Variants in AHDC1 observed in about 807,000 individuals in gnomAD.
AHDC1 encodes the protein AT-hook DNA binding motif containing 1.
In AHDC1, 7 loss-of-function variants were observed where a neutral mutation model predicts 87.9. The observed-to-expected ratio is 0.08, with a 90% CI of 0.05 to 0.15. The LOEUF is 0.15. Among genes scored for constraint, AHDC1 ranks in the 10% least tolerant of loss-of-function variants. AHDC1 has a pLI of 1.00. For missense variants in AHDC1, 1,841 were observed against 2,253.2 expected, an observed-to-expected ratio of 0.82 and a Z score of 3.70; for synonymous variants, 1,051 against 1,006.8, an observed-to-expected ratio of 1.04 and a Z score of -0.83.
chr1:27,548,599 A>G lies in AHDC1; in HGVS notation c.3517T>C (p.Phe1173Leu). Residue 1173 changes from phenylalanine to leucine, a missense_variant, in exon 8 of 9, where the codon TTC becomes CTC. Phe to Leu is a conservative substitution (Grantham distance 22). Transcript: ENST00000673934. Reference protein sequence around the residue: ...FSESSSDSTQFNQPVGGGGFR... With the variant: ...FSESSSDSTQLNQPVGGGGFR... ...CCCCCGCCACCAACCGGCTGATTGA[A>G]CTGGGTGCTGTCGGAGGATGACTCA... The G allele has an allele frequency of 6.2e-7, 1 of 1,613,496 alleles. No homozygotes were observed. The highest frequency in any genetic ancestry group is 8.5e-7 in the Non-Finnish European group (1 of 1,180,012).
At chr1:27,543,764 G>A (rs1487634892) in intron 8 of AHDC1, among the ~76,000 whole-genome samples, 2 of 152,120 alleles carry the variant, frequency 1.3e-5, no homozygotes, top group Non-Finnish European at 1.5e-5. Flanking sequence ...CCAATGTGGT[G>A]AAACCCCATC....
intron 3 of AHDC1, chr1:27,568,090 G>A (rs1419112718): frequency 6.6e-6 from 1 of 152,188 alleles, no homozygotes; most frequent in Non-Finnish European, 1.5e-5. Context: ...TGTCTGTAAC[G>A]CCTGACCAGA....
chr1:27,598,276 C>T lies in AHDC1; in HGVS notation c.-629+5121G>A, dbSNP rs2089430992. Among the ~76,000 whole-genome samples, 1 of 152,190 alleles carries T rather than the reference C, an allele frequency of 6.6e-6. No individual in the cohort carries two copies. The highest frequency in any genetic ancestry group is 1.5e-5 in the Non-Finnish European group (1 of 68,034). On this transcript the variant is annotated intron_variant, in intron 3 of 8. Coordinates refer to ENST00000673934, the MANE Select transcript of AHDC1 (RefSeq NM_001371928.1). The surrounding 1 kb of genome is among the most constrained non-coding windows in gnomAD (Gnocchi z 4.2). ...CAGAAGAGGAGAGAAAACAGGGCCTCATTGCAGTTGGGTTTGTGTGTGTGG... is the reference window on the plus strand; with the variant it reads ...CAGAAGAGGAGAGAAAACAGGGCCTTATTGCAGTTGGGTTTGTGTGTGTGG...
rs569896242 is a variant in AHDC1 at position 27,548,666 on chromosome 1, C to T, written c.3450G>A (p.Pro1150=). 1.1e-4 allele frequency: 173 copies of T among 1,613,408 alleles called. 2 individuals are homozygous for T. In the South Asian group the frequency reaches 1.1e-3, roughly 10 times the overall value. Residue 1150 remains proline (P), a synonymous_variant, in exon 8 of 9, where the codon CCG becomes CCA. Transcript: ENST00000673934. ...NVILDISNYT[P]QKVKQQTAVS... ...CAGCCGTCTGCTGCTTCACCTTCTGCGGTGTGTAGTTGGAGATGTCCAGGA... is the reference window on the plus strand; with the variant it reads ...CAGCCGTCTGCTGCTTCACCTTCTGTGGTGTGTAGTTGGAGATGTCCAGGA...
At position 27,550,794 on chromosome 1, in the gene AHDC1, G is replaced by T; in HGVS notation, c.1322C>A (p.Pro441Gln). ...PPPPPPPPALPGPGPVSVPEL... is the reference protein window; with the variant it reads ...PPPPPPPPALQGPGPVSVPEL... Reference sequence around the variant, plus strand: ...TGGGACTGAGACCGGGCCTGGGCCTGGCAGGGCAGGGGGTGGAGGAGGCGG... The same window carrying T: ...TGGGACTGAGACCGGGCCTGGGCCTTGCAGGGCAGGGGGTGGAGGAGGCGG... Residue 441 changes from proline to glutamine, a missense_variant, in exon 8 of 9, where the codon CCA becomes CAA. Physicochemically the swap from Pro to Gln is moderately conservative, Grantham distance 76 (BLOSUM62 -1). Transcript: ENST00000673934. The T allele has an allele frequency of 6.4e-7, 1 of 1,567,092 alleles. No individual in the cohort carries two copies. The highest frequency in any genetic ancestry group is 1.4e-5 in the African/African-American group (1 of 73,838).
chr1:27,599,753 C>T (rs578253042), intron 3 of AHDC1, among the ~76,000 whole-genome samples: 7 of 151,950 alleles, frequency 4.6e-5, no homozygotes, highest in Non-Finnish European at 8.8e-5. Context: ...CCACAGGCCA[C>T]GCCCCCCCGG....
rs1233069043 is a variant in AHDC1, at chr1:27,562,041, G to A, written c.-628-3158C>T. ...CGGGGGAAGCGAGCCAGGCAGAGAT[G>A]GGAAAGGCAGGAGAGAGCAGGGACC... On this transcript the variant is annotated intron_variant, in intron 3 of 8. Coordinates refer to ENST00000673934, the MANE Select transcript of AHDC1 (RefSeq NM_001371928.1). The surrounding 1 kb of genome is among the most constrained non-coding windows in gnomAD (Gnocchi z 4.4). Among the ~76,000 whole-genome samples, 2 of 152,076 alleles carry A rather than the reference G, an allele frequency of 1.3e-5. No individual in the cohort carries two copies. The highest frequency in any genetic ancestry group is 2.4e-5 in the African/African-American group (1 of 41,390).
chr1:27,571,233 C>T (rs1045835900), intron 3 of AHDC1, among the ~76,000 whole-genome samples: 1 of 152,174 alleles, frequency 6.6e-6, no homozygotes, highest in Admixed American at 6.5e-5. Flanking sequence ...TCTCATCTCC[C>T]ATGCCATTTG....
In AHDC1 at chr1:27,547,524, G is replaced by C. The variant is rs2019233249; in HGVS notation, c.4592C>G (p.Pro1531Arg). ...MARPPGPPRG[P>R]AAAAAGYGCP... ...GCCATAGCCAGCAGCGGCTGCAGCAGGGCCACGGGGTGGGCCAGGGGGCCG... is the reference window on the plus strand; with the variant it reads ...GCCATAGCCAGCAGCGGCTGCAGCACGGCCACGGGGTGGGCCAGGGGGCCG... Residue 1531 changes from proline to arginine, a missense_variant, in exon 8 of 9, where the codon CCT becomes CGT. This residue lies in a region of AHDC1 where 505 missense variants were observed against 626.2 expected (regional missense o/e 0.81). Transcript: ENST00000673934. The surrounding 1 kb of genome is among the most constrained non-coding windows in gnomAD (Gnocchi z 4.9). 6.2e-7 allele frequency: 1 copy of C among 1,610,374 alleles called. No individual in the cohort carries two copies. Among genetic ancestry groups the C allele is most frequent in the African/African-American group, 1.3e-5 (1 of 74,900 alleles).
Position 27,576,645 on chromosome 1 carries a change from C to G in AHDC1, c.-628-17762G>C, listed in dbSNP as rs78497781. On this transcript the variant is annotated intron_variant, in intron 3 of 8. Transcript: ENST00000673934. ...TTAACCACTGAACACAGTGTTCACC[C>G]TGACACAGGCAGGACAAGCATTGCT... 8.7e-4 allele frequency among the ~76,000 whole-genome samples: 133 copies of G among 152,336 alleles called. 1 individual carries two copies. In the South Asian group the frequency reaches 0.011, roughly 12 times the overall value.
At chr1:27,567,818 G>A (rs2020391123) in intron 3 of AHDC1, among the ~76,000 whole-genome samples, 1 of 152,202 alleles carries the variant, frequency 6.6e-6, no homozygotes, top group Non-Finnish European at 1.5e-5. Context: ...AGAAGTTGGG[G>A]TTCTCGTCCA....
intron 3 of AHDC1, among the ~76,000 whole-genome samples, chr1:27,587,035 A>C (rs1264973640): frequency 1.3e-5 from 2 of 152,180 alleles, no homozygotes; most frequent in Non-Finnish European, 2.9e-5. Context: ...CTTTTGGCTT[A>C]GGATGCTCTG....
In AHDC1 at chr1:27,547,278, C is replaced by A. The variant is rs369478688; in HGVS notation, c.*26G>T. Reference sequence around the variant, plus strand: ...AGACTCACCCAGGAACAAAACCTCGCGGTCCAGTCGGCACTTCAGTTGGCA... The same window carrying A: ...AGACTCACCCAGGAACAAAACCTCGAGGTCCAGTCGGCACTTCAGTTGGCA... On this transcript the variant is annotated 3_prime_UTR_variant, in exon 8 of 9. Coordinates refer to ENST00000673934, the MANE Select transcript of AHDC1 (RefSeq NM_001371928.1). The surrounding 1 kb of genome is among the most constrained non-coding windows in gnomAD (Gnocchi z 4.9). The A allele has an allele frequency of 2.0e-6, 3 of 1,514,134 alleles. No homozygotes were observed. In the South Asian group the frequency reaches 4.0e-5, roughly 20 times the overall value. 93.8% of individuals were successfully genotyped at this position (1,514,134 alleles called of 1,614,324 possible). A position where few individuals can be genotyped will look rare whatever the true frequency, so the allele number is the denominator to read the frequency against.
At chr1:27,539,138 CTTTTTTT>C (rs112072152) in intron 8 of AHDC1, among the ~76,000 whole-genome samples, 42 of 125,364 alleles carry the variant, frequency 3.4e-4, no homozygotes, top group African/African-American at 1.0e-3. Flanking sequence ...TTTTTCTTTT[CTTTTTTT>C]TTTTTTTTTT....
chr1:27,580,671 T>C (rs938419319), intron 3 of AHDC1, among the ~76,000 whole-genome samples: 6 of 152,230 alleles, frequency 3.9e-5, no homozygotes, highest in Non-Finnish European at 8.8e-5. Flanking sequence ...TCACAGGTTG[T>C]TGTATAGCTT....
chr1:27,581,345 T>C (rs538019883), intron 3 of AHDC1, among the ~76,000 whole-genome samples: 1 of 151,194 alleles, frequency 6.6e-6, no homozygotes, highest in South Asian at 2.1e-4. Context: ...AATATATTTT[T>C]AAAAAAAATT....
chr1:27,603,675 A>C (rs1571365249), intron 2 of AHDC1, 53 bp downstream of exon 2: 1 of 51,010 alleles, frequency 2.0e-5, no homozygotes, highest in Admixed American at 2.3e-4. Context: ...CCCGCCGCGC[A>C]CACACTCTCC....
At chr1:27,536,676 G>T (rs2018652485) in intron 8 of AHDC1, among the ~76,000 whole-genome samples, 1 of 152,152 alleles carries the variant, frequency 6.6e-6, no homozygotes, top group Admixed American at 6.5e-5. Flanking sequence ...CTCTATTGCG[G>T]TTGAAGAACA....
At chr1:27,554,093 G>T (rs756188662) in intron 5 of AHDC1, among the ~76,000 whole-genome samples, 1 of 152,116 alleles carries the variant, frequency 6.6e-6, no homozygotes, top group Non-Finnish European at 1.5e-5. Context: ...AAAAAAGTTT[G>T]TTGCATGAAT....
Sources: gnomAD v4.1 joint callset for allele counts (sites outside exome capture counted in the v4.1 genomes callset) on GRCh38, gnomAD v4.1.1 for gene constraint, gnomAD v4.1.1 regional missense constraint, Gnocchi (gnomAD v3.1) non-coding constraint, MANE v1.5 for transcripts, NCBI Gene and HGNC (gene_info 2026-07-23, HGNC 2026-07-21) for gene names.